NOMO1: variants seen among roughly 807,000 people sequenced by gnomAD.
NOMO1 encodes the protein nodal modulator 3.
In NOMO1, 40 loss-of-function variants were observed where a neutral mutation model predicts 133.8. That is an observed-to-expected ratio of 0.30 (90% CI 0.23 to 0.39). NOMO1 has a LOEUF of 0.39. Among genes scored for constraint, NOMO1 ranks in the 10% least tolerant of loss-of-function variants. NOMO1 has a pLI of 1.00. For missense variants in NOMO1, 462 were observed against 1,419.9 expected, an observed-to-expected ratio of 0.33 and a Z score of 10.84; for synonymous variants, 236 against 570.5, an observed-to-expected ratio of 0.41 and a Z score of 8.36.
chr16:14,841,019 G>A (rs1023654942), intron 2 of NOMO1, among the ~76,000 whole-genome samples: 3 of 151,136 alleles, frequency 2.0e-5, no homozygotes, highest in Non-Finnish European at 4.4e-5. Context: ...GCTAACTTGT[G>A]CAACTGTAGG....
At chr16:14,864,747 A>G (rs1296550945) in intron 13 of NOMO1, 21 bp downstream of exon 13, 5 of 1,613,640 alleles carry the variant, frequency 3.1e-6, no homozygotes, top group Non-Finnish European at 4.2e-6. Context: ...ACTGGAAAGT[A>G]AGAACACATA....
intron 16 of NOMO1, among the ~76,000 whole-genome samples, chr16:14,871,119 A>G (rs1964075236): frequency 6.6e-6 from 1 of 151,680 alleles, no homozygotes; most frequent in Non-Finnish European, 1.5e-5. Flanking sequence ...TCCTCTGGCA[A>G]GTGATGAAAT....
chr16:14,878,418 T>C (rs1479500809), intron 22 of NOMO1, among the ~76,000 whole-genome samples: 1 of 106,768 alleles, frequency 9.4e-6, no homozygotes, highest in Non-Finnish European at 1.8e-5. Context: ...TGCTTGAGCT[T>C]GGGAGGCGAA....
chr16:14,860,358 A>T (rs1963905343), intron 11 of NOMO1, among the ~76,000 whole-genome samples: 1 of 148,754 alleles, frequency 6.7e-6, no homozygotes, highest in Non-Finnish European at 1.5e-5. Context: ...ACAGGGTGAG[A>T]TTCCGTCTCA....
At position 14,864,783 on chromosome 16, in the gene NOMO1, G is replaced by A. The variant is rs1204730902; in HGVS notation, c.1537+57G>A. 3.1e-6 allele frequency: 5 copies of A among 1,613,160 alleles called. No homozygotes were observed. In the African/African-American group the frequency reaches 5.4e-5, roughly 17 times the overall value. On this transcript the variant is annotated intron_variant, in intron 13 of 30. Transcript: ENST00000287667. ...GTTTCAAAGAAGTCAGCCGGTAGGA[G>A]TGGGATTTGGGAAACTTTTCCTTTT...
chr16:14,864,355 T>C (rs578068608), intron 12 of NOMO1, among the ~76,000 whole-genome samples: 2 of 152,106 alleles, frequency 1.3e-5, no homozygotes, highest in East Asian at 1.9e-4. Context: ...GATAGACTTT[T>C]GTTCATACAC....
At position 14,876,429 on chromosome 16, in the gene NOMO1, C is replaced by G. The variant is rs149713801; in HGVS notation, c.2427C>G (p.Pro809=). ...AGLFLEGQIH[P]ELEGVEIVIS... is the part of the protein sequence containing the mutation. ...TGTTTTTAGAAGGCCAGATCCACCC[C>G]GAGTTGGAAGGAGTCGAGATTGTCA... is the stretch of plus-strand genomic sequence containing the variant. Residue 809 remains proline (P), a synonymous_variant, in exon 21 of 31, where the codon CCC becomes CCG. Coordinates refer to ENST00000287667, the MANE Select transcript of NOMO1 (RefSeq NM_014287.4). 29 of 1,611,242 alleles carry G rather than the reference C, an allele frequency of 1.8e-5. No individual in the cohort carries two copies. In the East Asian group the frequency reaches 2.5e-4, roughly 14 times the overall value.
intron 2 of NOMO1, among the ~76,000 whole-genome samples, chr16:14,839,498 A>G (rs972470590): frequency 2.6e-5 from 4 of 151,946 alleles, no homozygotes; most frequent in Non-Finnish European, 4.4e-5. Flanking sequence ...AAACACCTCT[A>G]TACAATCCCA....
chr16:14,859,951 G>A (rs989897496), intron 11 of NOMO1, among the ~76,000 whole-genome samples: 2 of 152,032 alleles, frequency 1.3e-5, no homozygotes, highest in Non-Finnish European at 2.9e-5. Flanking sequence ...GCATAGGATA[G>A]GAAGGACCTG....
chr16:14,838,188 A>G (rs1444152122), intron 1 of NOMO1, among the ~76,000 whole-genome samples: 1 of 152,130 alleles, frequency 6.6e-6, no homozygotes, highest in East Asian at 1.9e-4. Flanking sequence ...AGGCATTGTA[A>G]TAGGCTGTAG....
intron 9 of NOMO1, among the ~76,000 whole-genome samples, chr16:14,856,703 C>A (rs1963842872): frequency 6.6e-6 from 1 of 151,874 alleles, no homozygotes; most frequent in African/African-American, 2.4e-5. Context: ...TGAACCACTG[C>A]GCCTGGCCTA....
At position 14,876,746 on chromosome 16, in the gene NOMO1, A is replaced by G. The variant is rs1964167714; in HGVS notation, c.2599A>G (p.Ile867Val). 1.2e-6 allele frequency: 2 copies of G among 1,610,922 alleles called. No homozygotes were observed. Among genetic ancestry groups the G allele is most frequent in the Non-Finnish European group, 1.7e-6 (2 of 1,179,756 alleles). ...TGTTCTGACTGCGGTGGAAGGAACC[A>G]TCGGAGACTTCAAGGCCTATGCCCT... Reference protein sequence around the residue: ...GYVLTAVEGTIGDFKAYALAG... With the variant: ...GYVLTAVEGTVGDFKAYALAG... Residue 867 changes from isoleucine to valine, a missense_variant, in exon 22 of 31, where the codon ATC becomes GTC. Coordinates refer to ENST00000287667, the MANE Select transcript of NOMO1 (RefSeq NM_014287.4).
chr16:14,836,091 C>G (rs1963503242), intron 1 of NOMO1, among the ~76,000 whole-genome samples: 1 of 152,056 alleles, frequency 6.6e-6, no homozygotes, highest in Admixed American at 6.5e-5. Context: ...TCTGGAAAGC[C>G]AGCCGATCTT....
At chr16:14,874,478 A>G (rs1233847621) in intron 18 of NOMO1, among the ~76,000 whole-genome samples, 1 of 152,074 alleles carries the variant, frequency 6.6e-6, no homozygotes, top group Non-Finnish European at 1.5e-5. Context: ...CCTTTGCTCA[A>G]CGTCACCTTA....
At chr16:14,837,115 T>C (rs1963528037) in intron 1 of NOMO1, among the ~76,000 whole-genome samples, 1 of 151,962 alleles carries the variant, frequency 6.6e-6, no homozygotes, top group Admixed American at 6.6e-5. Flanking sequence ...ACTCCTGGCC[T>C]CAAGCAGTCC....
At chr16:14,882,773 C>G in intron 26 of NOMO1, 96 bp downstream of exon 26, 2 of 1,597,524 alleles carry the variant, frequency 1.3e-6, no homozygotes. Context: ...TCATCTGTGG[C>G]GGGGGGAACT....
At position 14,886,843 on chromosome 16, in the gene NOMO1, C is replaced by A. The variant is rs552734128; in HGVS notation, c.3305C>A (p.Pro1102Gln). The A allele has an allele frequency of 1.2e-5, 20 of 1,611,778 alleles. 1 individual carries two copies. In the South Asian group the frequency reaches 1.5e-4, roughly 12 times the overall value. ...CAGTCCCTGTTCTTCCATTTCCCCC[C>A]ACTGCTCAGAGACGGCGAGGTAATG... ...LGQSLFFHFPPLLRDGENYVV... is the reference protein window; with the variant it reads ...LGQSLFFHFPQLLRDGENYVV... Residue 1102 changes from proline to glutamine, a missense_variant, in exon 28 of 31, where the codon CCA (proline) becomes CAA (glutamine). Physicochemically the swap from Pro to Gln is moderately conservative, Grantham distance 76. Transcript: ENST00000287667.
intron 16 of NOMO1, among the ~76,000 whole-genome samples, chr16:14,869,244 C>G (rs1391129777): frequency 6.6e-6 from 1 of 151,824 alleles, no homozygotes; most frequent in Non-Finnish European, 1.5e-5. Flanking sequence ...AACCTTCTCT[C>G]TCTTTTATAA....
chr16:14,889,853 C>T (rs544894452), intron 29 of NOMO1, among the ~76,000 whole-genome samples: 1 of 151,782 alleles, frequency 6.6e-6, no homozygotes, highest in African/African-American at 2.4e-5. Flanking sequence ...TGTGCTTCTC[C>T]ATGAGGGAGC....
Sources: allele counts gnomAD v4.1 joint callset (sites outside exome capture counted in the v4.1 genomes callset), GRCh38; gene constraint gnomAD v4.1.1; transcripts MANE v1.5; gene names NCBI Gene and HGNC (gene_info 2026-07-23, HGNC 2026-07-21).